CCDC110: variants seen among roughly 807,000 people sequenced by gnomAD.
The protein encoded by CCDC110 is coiled-coil domain-containing protein 110.
CCDC110 carries 70 observed loss-of-function variants against 77.1 expected under a neutral mutation model. That is an observed-to-expected ratio of 0.91 (90% CI 0.75 to 1.11). The LOEUF is 1.11. Ranked by LOEUF, CCDC110 falls within the 50% of genes least tolerant of loss-of-function variation. The pLI is 0.00. For synonymous variants in CCDC110, 295 were observed against 312.5 expected (o/e 0.94, Z 0.59); for missense variants, 868 against 942.9 (o/e 0.92, Z 1.04).
intron 6 of CCDC110, 140 bp downstream of exon 6, chr4:185,457,986 G>T: frequency 1.5e-6 from 1 of 648,488 alleles, no homozygotes; most frequent in Non-Finnish European, 2.4e-6. Context: ...TAATTTCACT[G>T]TATAATAAAT....
At chr4:185,471,637 C>G (rs1448142476) in intron 1 of CCDC110, 37 bp downstream of exon 1, 1 of 1,551,218 alleles carries the variant, frequency 6.4e-7, no homozygotes, top group Non-Finnish European at 8.7e-7. Context: ...TCCGTTCCCG[C>G]GGCTCCCCTA....
intron 6 of CCDC110, among the ~76,000 whole-genome samples, chr4:185,450,336 G>A (rs2095626986): frequency 6.6e-6 from 1 of 152,128 alleles, no homozygotes; most frequent in African/African-American, 2.4e-5. Context: ...TCAGTCTTTC[G>A]TGTCCTCCCA....
intron 6 of CCDC110, chr4:185,449,660 T>C (rs575683617): frequency 1.3e-6 from 2 of 1,511,720 alleles, no homozygotes; most frequent in South Asian, 2.5e-5. Context: ...GGAAGACAAG[T>C]AGCTTTCTAG....
intron 6 of CCDC110, among the ~76,000 whole-genome samples, chr4:185,452,917 G>C (rs1282917239): frequency 2.1e-5 from 3 of 145,776 alleles, no homozygotes; most frequent in African/African-American, 7.5e-5. Flanking sequence ...AAAAAGCCAG[G>C]TTCAACCTAT....
At chr4:185,471,295 GAGACTGGGCGGGACCTGTGGGGGCAGA>G (rs2095666712) in intron 1 of CCDC110, among the ~76,000 whole-genome samples, 1 of 83,678 alleles carries the variant, frequency 1.2e-5, no homozygotes, top group Non-Finnish European at 3.3e-5. Context: ...ATGGGGCGGA[GAGACTGGGCGGGACCTGTGGGGGCAGA>G]GGAATGGGGC....
rs937518147 is a variant in CCDC110 at position 185,468,431 on chromosome 4, C to T, written c.115+2514G>A. Among the ~76,000 whole-genome samples, 7 of 152,188 alleles carry T rather than the reference C, an allele frequency of 4.6e-5. No homozygotes were observed. Among genetic ancestry groups the T allele is most frequent in the African/African-American group, 1.7e-4 (7 of 41,438 alleles). ...AAGACGGAGGGGAGAGAAGCCTTCT[C>T]AAAATTCTCCAGTGCTTCTCAATTT... On this transcript the variant is annotated intron_variant, in intron 2 of 6. Coordinates refer to ENST00000307588, the MANE Select transcript of CCDC110 (RefSeq NM_152775.4). This position sits in a 1 kb window ranked among gnomAD's most constrained non-coding sequence, Gnocchi z 4.5.
In CCDC110 at chr4:185,468,817, G is replaced by A. The variant is rs76929525; in HGVS notation, c.115+2128C>T. 0.031 allele frequency among the ~76,000 whole-genome samples: 4,635 copies of A among 151,934 alleles called. 141 individuals carry two copies. Among genetic ancestry groups the A allele is most frequent in the East Asian group, 0.082 (426 of 5,178 alleles). On this transcript the variant is annotated intron_variant, in intron 2 of 6. Coordinates refer to ENST00000307588, the MANE Select transcript of CCDC110 (RefSeq NM_152775.4). This position sits in a 1 kb window ranked among gnomAD's most constrained non-coding sequence, Gnocchi z 4.5. ...ATGTTCTCCATAGAATTTATTCCCC[G>A]CTTACACACAATAGCCTTTGTCTGT...
chr4:185,470,060 A>G (rs1216831753), intron 2 of CCDC110, among the ~76,000 whole-genome samples: 2 of 152,224 alleles, frequency 1.3e-5, no homozygotes, highest in Non-Finnish European at 1.5e-5. Flanking sequence ...CAATGTCCTC[A>G]GATTCCCCTA....
At position 185,445,457 on chromosome 4, in the gene CCDC110, A is replaced by G. The variant is rs1475262134; in HGVS notation, c.*45T>C. On this transcript the variant is annotated 3_prime_UTR_variant, in exon 7 of 7. Transcript: ENST00000307588. The stretch of plus-strand genomic sequence containing the variant: ...TAGTTCAGTTAGCAGTACAATTAAC[A>G]TTGGCTATTTCTCGAAGGGAGTTTC... The G allele has an allele frequency of 1.5e-6, 2 of 1,355,540 alleles. No individual in the cohort carries two copies. Among genetic ancestry groups the G allele is most frequent in the East Asian group, 2.3e-5 (1 of 43,510 alleles). The allele number at this position is 1,355,540 out of a possible 1,614,324, so 84.0% of individuals were successfully genotyped here. A position where few individuals can be genotyped will look rare whatever the true frequency, so the allele number is the denominator to read the frequency against.
chr4:185,465,195 G>A (rs1157560897), intron 2 of CCDC110, among the ~76,000 whole-genome samples: 2 of 152,192 alleles, frequency 1.3e-5, no homozygotes, highest in Non-Finnish European at 2.9e-5. Flanking sequence ...TCTGAGTGAT[G>A]TAACTGTTCA....
chr4:185,447,233 A>T (rs113207865), intron 6 of CCDC110, among the ~76,000 whole-genome samples: 1 of 150,654 alleles, frequency 6.6e-6, no homozygotes, highest in Non-Finnish European at 1.5e-5. Flanking sequence ...CCAGGCTGGA[A>T]TGCAGTGGCA....
At chr4:185,461,357 T>C (rs2095646110) in intron 4 of CCDC110, among the ~76,000 whole-genome samples, 198 bp from the exon 5 acceptor site, 1 of 152,234 alleles carries the variant, frequency 6.6e-6, no homozygotes, top group African/African-American at 2.4e-5. Flanking sequence ...TTATGCCTTG[T>C]TATAATCAGA....
intron 2 of CCDC110, among the ~76,000 whole-genome samples, chr4:185,466,311 G>C (rs1484425234): frequency 1.3e-5 from 2 of 152,108 alleles, no homozygotes; most frequent in Non-Finnish European, 2.9e-5. Context: ...GGAGGTGGAG[G>C]TTGCAGTGAG....
In CCDC110 at chr4:185,458,285, G is replaced by C. The variant is rs1245798965; in HGVS notation, c.2302C>G (p.Gln768Glu). ...TCACTTAAACTTAAATATTCTCGTT[G>C]AAGATGCCGCATCTCAAATTCCAAG... The part of the protein sequence containing the change: ...DTLEFEMRHL[Q>E]REYLSLSDKI... The change falls in exon 6 of 7, where the codon CAA becomes GAA. Residue 768 changes from glutamine (Q) to glutamate (E), a missense_variant. Physicochemically the swap from Gln to Glu is conservative, Grantham distance 29 (BLOSUM62 2). Transcript: ENST00000307588. 1 of 1,596,760 alleles carries C rather than the reference G, an allele frequency of 6.3e-7. No homozygotes were observed. The highest frequency in any genetic ancestry group is 1.8e-5 in the Admixed American group (1 of 55,014).
intron 6 of CCDC110, among the ~76,000 whole-genome samples, chr4:185,446,311 T>A (rs1168103431): frequency 6.6e-6 from 1 of 152,218 alleles, no homozygotes. Flanking sequence ...ATGAATTCTT[T>A]TGGGAAAGAA....
intron 6 of CCDC110, 80 bp downstream of exon 6, chr4:185,458,046 C>G (rs984756091): frequency 2.4e-5 from 23 of 965,202 alleles, no homozygotes; most frequent in Non-Finnish European, 3.1e-5. Context: ...AAGTTTCCTC[C>G]TTATTTCTGT....
At chr4:185,451,074 C>T (rs565352958) in intron 6 of CCDC110, among the ~76,000 whole-genome samples, 2 of 152,168 alleles carry the variant, frequency 1.3e-5, no homozygotes, top group South Asian at 2.1e-4. Context: ...GAATAAGTCT[C>T]CCGAGATCTG....
In CCDC110 at chr4:185,470,970, C is replaced by T. The variant is rs777943133; in HGVS notation, c.90G>A (p.Val30=). The T allele has an allele frequency of 3.7e-6, 6 of 1,611,270 alleles. No homozygotes were observed. Among genetic ancestry groups the T allele is most frequent in the Non-Finnish European group, 5.1e-6 (6 of 1,179,304 alleles). ...CTGTGTCACTGCAGCCACTTTCCTT[C>T]ACCCCCTCCGAAGAATTTAGGATCT... ...ASKILNSSEG[V]KESGCSDTEY... Residue 30 remains valine, a synonymous_variant, in exon 2 of 7, where the codon GTG becomes GTA. Coordinates refer to ENST00000307588, the MANE Select transcript of CCDC110 (RefSeq NM_152775.4).
chr4:185,466,571 AT>A (rs113965292), intron 2 of CCDC110, among the ~76,000 whole-genome samples: 3 of 150,506 alleles, frequency 2.0e-5, no homozygotes, highest in East Asian at 2.0e-4. Context: ...GTCAAGAGGG[AT>A]TTTTTTTCTT....
Sources: gnomAD v4.1 joint callset for allele counts (sites outside exome capture counted in the v4.1 genomes callset) on GRCh38, gnomAD v4.1.1 for gene constraint, Gnocchi (gnomAD v3.1) non-coding constraint, MANE v1.5 for transcripts, NCBI Gene and HGNC (gene_info 2026-07-23, HGNC 2026-07-21) for gene names.